The following TNIK variants were observed in gnomAD, a reference collection of about 807,000 sequenced individuals.
TNIK encodes the protein TRAF2 and NCK-interacting protein kinase.
TNIK carries 49 observed loss-of-function variants against 191.3 expected under a neutral mutation model. The observed-to-expected ratio is 0.26, with a 90% confidence interval of 0.20 to 0.32. The LOEUF is 0.32. TNIK is among the 10% of genes least tolerant of loss of function. The pLI is 1.00. For missense variants in TNIK, 1,155 were observed against 1,702.3 expected, an observed-to-expected ratio of 0.68 and a Z score of 5.66; for synonymous variants, 594 against 600.9, an observed-to-expected ratio of 0.99 and a Z score of 0.17.
At chr3:171,235,233 G>C (rs916384806) in intron 2 of TNIK, among the ~76,000 whole-genome samples, 8 of 152,194 alleles carry the variant, frequency 5.3e-5, no homozygotes, top group African/African-American at 1.9e-4. Context: ...GTAGAGCCAG[G>C]GTTTCGCCAT....
chr3:171,260,999 C>T (rs1747536662), intron 2 of TNIK, among the ~76,000 whole-genome samples: 1 of 152,128 alleles, frequency 6.6e-6, no homozygotes, highest in Non-Finnish European at 1.5e-5. Flanking sequence ...TTAATAAAAA[C>T]CTATCACCAC....
At chr3:171,135,563 G>C (rs1307709628) in intron 15 of TNIK, among the ~76,000 whole-genome samples, 1 of 152,188 alleles carries the variant, frequency 6.6e-6, no homozygotes, top group South Asian at 2.1e-4. Flanking sequence ...TTGGAAGCTG[G>C]ATTATGTTAA....
chr3:171,351,395 G>T (rs1713181206), intron 2 of TNIK, among the ~76,000 whole-genome samples: 1 of 151,910 alleles, frequency 6.6e-6, no homozygotes, highest in African/African-American at 2.4e-5. Context: ...TTGAAAGAAG[G>T]TCATCTTAGA....
intron 2 of TNIK, among the ~76,000 whole-genome samples, chr3:171,312,704 T>C (rs1754175846): frequency 6.6e-6 from 1 of 152,208 alleles, no homozygotes; most frequent in South Asian, 2.1e-4. Flanking sequence ...TCTATGGTGC[T>C]GAAACTTAAT....
chr3:171,086,266 C>T (rs1054419611), intron 24 of TNIK, among the ~76,000 whole-genome samples: 3 of 152,210 alleles, frequency 2.0e-5, no homozygotes, highest in Non-Finnish European at 4.4e-5. Flanking sequence ...TCTTTCCATC[C>T]TATGAAATCA....
At chr3:171,140,359 C>T (rs776749344) in intron 13 of TNIK, 40 bp downstream of exon 13, 1 of 1,495,144 alleles carries the variant, frequency 6.7e-7, no homozygotes, top group Non-Finnish European at 8.9e-7. Flanking sequence ...TGCTGGGGTC[C>T]CCGGGGGGCC....
rs747214793 is a variant in TNIK at position 171,084,125 on chromosome 3, A to T, written c.3169+30T>A. ...CAGTTCATTAATGAGTGGTTATTTA[A>T]AAAAAAAAAAAAAAAAAGCACCAAC... On this transcript the variant is annotated intron_variant, in intron 26 of 32. Transcript: ENST00000436636. 7.7e-4 allele frequency: 198 copies of T among 257,276 alleles called. No homozygotes were observed. In the East Asian group the frequency reaches 0.018, roughly 23 times the overall value. 15.9% of individuals were successfully genotyped at this position (257,276 alleles called of 1,614,324 possible).
chr3:171,357,033 G>A (rs1714183668), intron 2 of TNIK, among the ~76,000 whole-genome samples: 1 of 152,104 alleles, frequency 6.6e-6, no homozygotes, highest in Non-Finnish European at 1.5e-5. Flanking sequence ...GGTTCTTTGT[G>A]CTTAGCCACA....
intron 18 of TNIK, among the ~76,000 whole-genome samples, chr3:171,121,905 T>C (rs1161322097): frequency 6.6e-6 from 1 of 152,058 alleles, no homozygotes; most frequent in Non-Finnish European, 1.5e-5. Flanking sequence ...AATCTCTGTC[T>C]TTCATTATAG....
chr3:171,284,387 T>C (rs1176107860), intron 2 of TNIK, among the ~76,000 whole-genome samples: 1 of 152,188 alleles, frequency 6.6e-6, no homozygotes, highest in Non-Finnish European at 1.5e-5. Flanking sequence ...CATTTTAAAA[T>C]GAGAAATCTG....
At chr3:171,096,190 C>T (rs528538866) in intron 22 of TNIK, among the ~76,000 whole-genome samples, 2 of 152,168 alleles carry the variant, frequency 1.3e-5, no homozygotes, top group African/African-American at 4.8e-5. Context: ...GTGGCATCTG[C>T]CAGGCTGATG....
At chr3:171,314,849 C>T (rs1754431760) in intron 2 of TNIK, among the ~76,000 whole-genome samples, 1 of 152,124 alleles carries the variant, frequency 6.6e-6, no homozygotes, top group Non-Finnish European at 1.5e-5. Context: ...AGGCCGCACC[C>T]CATACTCATG....
chr3:171,444,824 C>A (rs1727281339), intron 1 of TNIK, among the ~76,000 whole-genome samples: 1 of 152,106 alleles, frequency 6.6e-6, no homozygotes, highest in Non-Finnish European at 1.5e-5. Context: ...ATTTCCTATT[C>A]TGCAACATTT....
chr3:171,092,657 A>G (rs1229991036), intron 23 of TNIK, among the ~76,000 whole-genome samples: 2 of 152,244 alleles, frequency 1.3e-5, no homozygotes, highest in South Asian at 4.1e-4. Flanking sequence ...TGAAAGATTC[A>G]ACAAGGACAT....
chr3:171,328,053 C>T (rs1220313062), intron 2 of TNIK, among the ~76,000 whole-genome samples: 2 of 152,154 alleles, frequency 1.3e-5, no homozygotes, highest in Non-Finnish European at 2.9e-5. Flanking sequence ...TCTGTGTCTG[C>T]ACCCCAAAAT....
intron 28 of TNIK, among the ~76,000 whole-genome samples, chr3:171,073,175 A>ATTATTGAT (rs1287452617): frequency 2.4e-4 from 37 of 152,204 alleles, no homozygotes; most frequent in African/African-American, 8.9e-4. Flanking sequence ...ATAACCAAAG[A>ATTATTGAT]AGCATGTTAC....
At chr3:171,265,174 G>A (rs2109152638) in intron 2 of TNIK, among the ~76,000 whole-genome samples, 1 of 152,312 alleles carries the variant, frequency 6.6e-6, no homozygotes, top group Admixed American at 6.5e-5. Flanking sequence ...GCAGAATATG[G>A]TGCATGAGTG....
chr3:171,272,923 T>A (rs1749292031), intron 2 of TNIK, among the ~76,000 whole-genome samples: 1 of 152,266 alleles, frequency 6.6e-6, no homozygotes, highest in Non-Finnish European at 1.5e-5. Context: ...CACGTACTGA[T>A]GTTTGTGCAT....
intron 1 of TNIK, among the ~76,000 whole-genome samples, chr3:171,386,188 G>A (rs1718706872): frequency 6.6e-6 from 1 of 152,144 alleles, no homozygotes; most frequent in Non-Finnish European, 1.5e-5. Context: ...TTTATAAGTT[G>A]TTGTTTACTT....
Sources: gnomAD v4.1 joint callset for allele counts (sites outside exome capture counted in the v4.1 genomes callset) on GRCh38, gnomAD v4.1.1 for gene constraint, MANE v1.5 for transcripts, NCBI Gene and HGNC (gene_info 2026-07-23, HGNC 2026-07-21) for gene names.